Variants in LHFPL6 observed in about 807,000 individuals in gnomAD.
LHFPL6 encodes the protein LHFPL tetraspan subfamily member 6, also known as LHFPL tetraspan subfamily member 6 protein.
LHFPL6 carries 9 observed loss-of-function variants against 20.6 expected under a neutral mutation model. The observed-to-expected ratio is 0.44, with a 90% confidence interval of 0.26 to 0.76. The LOEUF (loss-of-function observed/expected upper bound fraction) is 0.76. LHFPL6 is among the 30% of genes least tolerant of loss of function. The pLI, the probability that LHFPL6 is intolerant of heterozygous loss-of-function variation, is 0.20. For missense variants in LHFPL6, 218 were observed against 253.5 expected (o/e 0.86, Z 0.95); for synonymous variants, 105 against 98.7 (o/e 1.06, Z -0.38).
chr13:39,542,128 T>TAATAAA (rs1555267302), intron 2 of LHFPL6, among the ~76,000 whole-genome samples: 1 of 134,596 alleles, frequency 7.4e-6, no homozygotes, highest in Non-Finnish European at 1.6e-5. Flanking sequence ...ATAATAATAA[T>TAATAAA]AATAAAATAA....
chr13:39,592,248 AC>A (rs1357616783), intron 2 of LHFPL6, among the ~76,000 whole-genome samples: 1 of 152,198 alleles, frequency 6.6e-6, no homozygotes, highest in Admixed American at 6.5e-5. Flanking sequence ...TAAACTGGTG[AC>A]CATGACAATT....
chr13:39,377,553 T>C (rs966526921), intron 3 of LHFPL6, among the ~76,000 whole-genome samples: 1 of 152,182 alleles, frequency 6.6e-6, no homozygotes, highest in African/African-American at 2.4e-5. Flanking sequence ...ATAGACTAAA[T>C]GCCCAGCTAG....
At chr13:39,454,778 G>A (rs1872530702) in intron 2 of LHFPL6, among the ~76,000 whole-genome samples, 1 of 152,142 alleles carries the variant, frequency 6.6e-6, no homozygotes. Flanking sequence ...GCCTTTTGTG[G>A]ATAGAATGAA....
At chr13:39,597,054 C>T (rs900883635) in intron 2 of LHFPL6, among the ~76,000 whole-genome samples, 4 of 152,222 alleles carry the variant, frequency 2.6e-5, no homozygotes, top group South Asian at 2.1e-4. Flanking sequence ...TTCAGCAGCA[C>T]TTAACTGTCT....
chr13:39,588,580 C>A (rs933861761), intron 2 of LHFPL6, among the ~76,000 whole-genome samples: 1 of 152,184 alleles, frequency 6.6e-6, no homozygotes, highest in Admixed American at 6.5e-5. Context: ...GACACACCAT[C>A]GTTTCAACAT....
At chr13:39,389,603 C>T (rs1870652993) in intron 2 of LHFPL6, among the ~76,000 whole-genome samples, 1 of 152,108 alleles carries the variant, frequency 6.6e-6, no homozygotes, top group African/African-American at 2.4e-5. Context: ...TGAACAAAGC[C>T]ACCTGCACCT....
chr13:39,600,291 T>C (rs538925536), intron 2 of LHFPL6, among the ~76,000 whole-genome samples: 4 of 152,248 alleles, frequency 2.6e-5, no homozygotes, highest in African/African-American at 4.8e-5. Flanking sequence ...GTTAAGTTCA[T>C]AGTTGTTATA....
At chr13:39,362,396 A>T (rs1437061100) in intron 3 of LHFPL6, among the ~76,000 whole-genome samples, 2 of 152,234 alleles carry the variant, frequency 1.3e-5, no homozygotes, top group African/African-American at 4.8e-5. Context: ...CAGCCTGTGG[A>T]ACTGTGCACC....
chr13:39,576,789 A>G (rs1313316380), intron 2 of LHFPL6, among the ~76,000 whole-genome samples: 1 of 146,722 alleles, frequency 6.8e-6, no homozygotes, highest in Non-Finnish European at 1.5e-5. Flanking sequence ...ATGCACCATC[A>G]TGCCCAGCCA....
chr13:39,567,987 T>C (rs983842811), intron 2 of LHFPL6, among the ~76,000 whole-genome samples: 1 of 152,230 alleles, frequency 6.6e-6, no homozygotes, highest in African/African-American at 2.4e-5. Flanking sequence ...GTAATGAGAA[T>C]ACTTTGTTAC....
intron 2 of LHFPL6, among the ~76,000 whole-genome samples, chr13:39,512,864 C>T (rs1869773837): frequency 6.6e-6 from 1 of 152,222 alleles, no homozygotes; most frequent in African/African-American, 2.4e-5. Context: ...TGTGCTAAGG[C>T]CCATTCCTGG....
Position 39,601,085 on chromosome 13 carries a change from G to T in LHFPL6, c.132C>A (p.Phe44Leu). ...GATATGAGCACCTCCGGAAGGTACC[G>T]AAGGACACAGGCTTGCCCAGCTGTG... The part of the protein sequence containing the change: ...WGSQLGKPVS[F>L]GTFRRCSYPV... Residue 44 changes from phenylalanine (F) to leucine (L), a missense_variant, in exon 2 of 4, where the codon TTC (phenylalanine) becomes TTA (leucine). By Grantham distance (22) the Phe-to-Leu change is conservative. Coordinates refer to ENST00000379589, the MANE Select transcript of LHFPL6 (RefSeq NM_005780.3). The T allele has an allele frequency of 6.2e-7, 1 of 1,614,150 alleles. No individual in the cohort carries two copies. The highest frequency in any genetic ancestry group is 8.5e-7 in the Non-Finnish European group (1 of 1,180,018).
chr13:39,497,033 A>C (rs1039797148), intron 2 of LHFPL6, among the ~76,000 whole-genome samples: 1 of 152,230 alleles, frequency 6.6e-6, no homozygotes, highest in Non-Finnish European at 1.5e-5. Flanking sequence ...TTGTGGAGCT[A>C]GAAAAACAAA....
At chr13:39,465,426 T>A (rs59798386) in intron 2 of LHFPL6, among the ~76,000 whole-genome samples, 1 of 151,980 alleles carries the variant, frequency 6.6e-6, no homozygotes, top group African/African-American at 2.4e-5. Context: ...ATTCCCCTAA[T>A]TTAGGAACTA....
At chr13:39,586,211 T>A (rs1872443329) in intron 2 of LHFPL6, among the ~76,000 whole-genome samples, 3 of 152,250 alleles carry the variant, frequency 2.0e-5, no homozygotes, top group Admixed American at 2.0e-4. Flanking sequence ...TTTCCTGCAT[T>A]TTTAGGAAGA....
At chr13:39,456,932 G>C (rs1471885162) in intron 2 of LHFPL6, among the ~76,000 whole-genome samples, 1 of 152,050 alleles carries the variant, frequency 6.6e-6, no homozygotes, top group African/African-American at 2.4e-5. Context: ...AAGAAGCTGG[G>C]ACTACAGGCA....
intron 2 of LHFPL6, among the ~76,000 whole-genome samples, chr13:39,486,109 GC>G (rs1259524150): frequency 6.6e-6 from 1 of 152,096 alleles, no homozygotes; most frequent in African/African-American, 2.4e-5. Flanking sequence ...ACACAGTTTT[GC>G]CAACATCTGA....
At chr13:39,422,219 A>T (rs748356194) in intron 2 of LHFPL6, among the ~76,000 whole-genome samples, 5 of 152,202 alleles carry the variant, frequency 3.3e-5, no homozygotes, top group African/African-American at 4.8e-5. Context: ...ATAATCTTCT[A>T]TGTAAGTGGC....
chr13:39,516,883 C>T (rs1869939978), intron 2 of LHFPL6, among the ~76,000 whole-genome samples: 1 of 152,212 alleles, frequency 6.6e-6, no homozygotes, highest in South Asian at 2.1e-4. Context: ...ACCAATGCAG[C>T]TGATCAACTT....
Sources: gnomAD v4.1 joint callset for allele counts (sites outside exome capture counted in the v4.1 genomes callset) on GRCh38, gnomAD v4.1.1 for gene constraint, MANE v1.5 for transcripts, NCBI Gene and HGNC (gene_info 2026-07-23, HGNC 2026-07-21) for gene names.